FNDC3B: variants seen among roughly 807,000 people sequenced by gnomAD.
FNDC3B encodes the protein fibronectin type III domain-containing protein 3B.
Under a neutral mutation model 151.5 loss-of-function variants are expected in FNDC3B, and 12 were observed. That is an observed-to-expected ratio of 0.08 (90% CI 0.05 to 0.13). FNDC3B has a LOEUF of 0.13. Ranked by LOEUF, FNDC3B falls within the 10% of genes least tolerant of loss-of-function variation. FNDC3B has a pLI of 1.00. For synonymous variants in FNDC3B, 528 were observed against 549.0 expected (o/e 0.96, Z 0.54); for missense variants, 1,214 against 1,505.3 (o/e 0.81, Z 3.20).
intron 23 of FNDC3B, among the ~76,000 whole-genome samples, chr3:172,371,026 T>C (rs1734856778): frequency 6.6e-6 from 1 of 152,188 alleles, no homozygotes; most frequent in Admixed American, 6.5e-5. Context: ...TTTGGACAAA[T>C]GTATGATGAC....
At chr3:172,350,080 A>G (rs116760755) in intron 21 of FNDC3B, among the ~76,000 whole-genome samples, 164 of 152,354 alleles carry the variant, frequency 1.1e-3, no homozygotes, top group Non-Finnish European at 2.0e-3. Context: ...TTCTGTAAGT[A>G]TAAAAGTAGT....
chr3:172,370,835 A>C (rs58471278), intron 23 of FNDC3B, among the ~76,000 whole-genome samples: 3,230 of 152,284 alleles, frequency 0.021, 119 homozygotes, highest in African/African-American at 0.074. Context: ...AATTAAGCTG[A>C]AGGTACAAAG....
At chr3:172,236,708 G>A (rs941961156) in intron 4 of FNDC3B, among the ~76,000 whole-genome samples, 16 of 152,134 alleles carry the variant, frequency 1.1e-4, no homozygotes, top group Non-Finnish European at 4.4e-5. Flanking sequence ...ACAACTCTGG[G>A]CTATAGTAAA....
At chr3:172,150,313 C>T (rs1722154365) in intron 3 of FNDC3B, among the ~76,000 whole-genome samples, 1 of 152,050 alleles carries the variant, frequency 6.6e-6, no homozygotes, top group Non-Finnish European at 1.5e-5. Flanking sequence ...GTAGATTTAA[C>T]TTTTATGTCT....
At chr3:172,183,824 G>A (rs919402985) in intron 3 of FNDC3B, among the ~76,000 whole-genome samples, 1 of 152,164 alleles carries the variant, frequency 6.6e-6, no homozygotes, top group Admixed American at 6.5e-5. Context: ...TGATAGGTCT[G>A]ATGACTTTCC....
chr3:172,121,115 C>T (rs755764867), intron 2 of FNDC3B, among the ~76,000 whole-genome samples: 14 of 152,148 alleles, frequency 9.2e-5, no homozygotes, highest in African/African-American at 2.4e-4. Context: ...ACTTAGTTTC[C>T]GAGCCTGCCT....
chr3:172,295,785 T>C (rs1456215058), intron 8 of FNDC3B, among the ~76,000 whole-genome samples: 5 of 152,258 alleles, frequency 3.3e-5, no homozygotes, highest in African/African-American at 1.2e-4. Context: ...TTTCTGTTAA[T>C]GTCTGTCGGC....
At chr3:172,194,820 CT>C (rs1419662728) in intron 3 of FNDC3B, among the ~76,000 whole-genome samples, 1 of 152,166 alleles carries the variant, frequency 6.6e-6, no homozygotes, top group African/African-American at 2.4e-5. Flanking sequence ...GGCCTCAACT[CT>C]GGTGGGTAAC....
chr3:172,394,592 A>G (rs935295190), intron 25 of FNDC3B, among the ~76,000 whole-genome samples: 5 of 152,256 alleles, frequency 3.3e-5, no homozygotes, highest in Admixed American at 6.5e-5. Context: ...GATGAAATCA[A>G]TAAGTTTTCC....
chr3:172,188,795 T>G (rs573601940), intron 3 of FNDC3B, among the ~76,000 whole-genome samples: 1 of 152,312 alleles, frequency 6.6e-6, no homozygotes, highest in African/African-American at 2.4e-5. Flanking sequence ...CGCCTTTGTT[T>G]TGGATTCTAT....
intron 1 of FNDC3B, among the ~76,000 whole-genome samples, chr3:172,053,311 T>G (rs1716759750): frequency 6.6e-6 from 1 of 152,220 alleles, no homozygotes; most frequent in African/African-American, 2.4e-5. Flanking sequence ...TAGAGTGATT[T>G]TAAAACTTTT....
chr3:172,295,759 G>C (rs747762602), intron 8 of FNDC3B, among the ~76,000 whole-genome samples: 1 of 152,226 alleles, frequency 6.6e-6, no homozygotes, highest in Non-Finnish European at 1.5e-5. Context: ...GCTGTCAGTA[G>C]AGTATTAATG....
chr3:172,351,090 T>C (rs1018472214), intron 21 of FNDC3B, among the ~76,000 whole-genome samples: 10 of 152,234 alleles, frequency 6.6e-5, no homozygotes, highest in Admixed American at 5.9e-4. Flanking sequence ...TTTGCCCTTA[T>C]GTAACTTGCA....
At chr3:172,275,824 G>A (rs951204982) in intron 6 of FNDC3B, among the ~76,000 whole-genome samples, 1 of 148,998 alleles carries the variant, frequency 6.7e-6, no homozygotes, top group Non-Finnish European at 1.5e-5. Context: ...TGATTATCTG[G>A]TTTTTTTTTT....
chr3:172,340,064 T>C (rs1733214161), intron 16 of FNDC3B, among the ~76,000 whole-genome samples: 1 of 151,962 alleles, frequency 6.6e-6, no homozygotes, highest in African/African-American at 2.4e-5. Context: ...ACAGCGTGAG[T>C]GGGAATAAAA....
intron 1 of FNDC3B, among the ~76,000 whole-genome samples, chr3:172,070,714 G>C (rs1226264021): frequency 2.0e-5 from 3 of 152,168 alleles, no homozygotes; most frequent in African/African-American, 2.4e-5. Context: ...ATAGACAAAA[G>C]TAGAGAATAG....
At chr3:172,337,820 C>T (rs527560666) in intron 16 of FNDC3B, 2 of 205,304 alleles carry the variant, frequency 9.7e-6, no homozygotes, top group East Asian at 3.0e-4. Context: ...AGGAAGAATA[C>T]ATTTTTCATA....
chr3:172,397,685 G>GAA lies in FNDC3B; in HGVS notation c.*218_*219dup, dbSNP rs60867657. Reference sequence around the variant, plus strand: ...ACTGGATTTTTTTTTTTAAAAAAAAGAAAAAAAAAGAAGAAAAGTATACCA... The same window carrying GAA: ...ACTGGATTTTTTTTTTTAAAAAAAAGAAAAAAAAAAAGAAGAAAAGTATACCA... On this transcript the variant is annotated 3_prime_UTR_variant, in exon 26 of 26. Coordinates refer to ENST00000415807, the MANE Select transcript of FNDC3B (RefSeq NM_022763.4). 1,893 of 311,032 alleles carry GAA rather than the reference G, an allele frequency of 6.1e-3. 1 individual carries two copies. The highest frequency in any genetic ancestry group is 0.012 in the East Asian group (232 of 18,976). 19.3% of individuals were successfully genotyped at this position (311,032 alleles called of 1,614,324 possible).
intron 4 of FNDC3B, among the ~76,000 whole-genome samples, chr3:172,247,174 T>G (rs750666879): frequency 6.6e-6 from 1 of 152,156 alleles, no homozygotes; most frequent in Non-Finnish European, 1.5e-5. Flanking sequence ...ATAGTTAAAT[T>G]CAAAAGTCAC....
Sources: gnomAD v4.1 joint callset for allele counts (sites outside exome capture counted in the v4.1 genomes callset) on GRCh38, gnomAD v4.1.1 for gene constraint, MANE v1.5 for transcripts, NCBI Gene and HGNC (gene_info 2026-07-23, HGNC 2026-07-21) for gene names.